Variants in TMEM108 observed in about 807,000 individuals in gnomAD.
TMEM108 encodes the protein cancer/testis antigen 124.
TMEM108 carries 12 observed loss-of-function variants against 35.1 expected under a neutral mutation model. The observed-to-expected ratio is 0.34, with a 90% confidence interval of 0.22 to 0.55. The LOEUF is 0.55. Among genes scored for constraint, TMEM108 ranks in the 20% least tolerant of loss-of-function variants. The pLI is 0.89. For missense variants in TMEM108, 680 were observed against 753.3 expected (o/e 0.90, Z 1.14); for synonymous variants, 287 against 308.6 (o/e 0.93, Z 0.73).
Position 133,397,363 on chromosome 3 carries a change from T to C in TMEM108, c.*1377T>C, listed in dbSNP as rs1208510664. On this transcript the variant is annotated 3_prime_UTR_variant, in exon 6 of 6. Transcript: ENST00000321871. The stretch of plus-strand genomic sequence containing the variant: ...TTTGTGTTGTTGCTGTAGTCTATCA[T>C]GACTTTTTTCTTTCTGCATTTTCCT... The C allele has an allele frequency of 1.3e-5, 2 of 151,436 alleles. No homozygotes were observed. The highest frequency in any genetic ancestry group is 3.9e-4 in the East Asian group (2 of 5,176). 9.4% of individuals were successfully genotyped at this position (151,436 alleles called of 1,614,324 possible). A position where few individuals can be genotyped will look rare whatever the true frequency, so the allele number is the denominator to read the frequency against.
intron 2 of TMEM108, among the ~76,000 whole-genome samples, chr3:133,193,842 A>C (rs1336126834): frequency 6.6e-6 from 1 of 152,256 alleles, no homozygotes; most frequent in East Asian, 1.9e-4. Context: ...AAACTGATTA[A>C]ATATAAACAT....
At chr3:133,098,955 T>C (rs1248299836) in intron 2 of TMEM108, among the ~76,000 whole-genome samples, 2 of 152,142 alleles carry the variant, frequency 1.3e-5, no homozygotes, top group Admixed American at 6.5e-5. Context: ...GGCCCTCTTC[T>C]CACAGCTCCA....
At chr3:133,371,515 A>G (rs77354736) in intron 3 of TMEM108, among the ~76,000 whole-genome samples, 3,867 of 151,148 alleles carry the variant, frequency 0.026, 144 homozygotes, top group African/African-American at 0.089. Context: ...CTGGCTCCCA[A>G]GAGTAAGCAC....
At chr3:133,121,366 C>G (rs1385562117) in intron 2 of TMEM108, among the ~76,000 whole-genome samples, 1 of 152,070 alleles carries the variant, frequency 6.6e-6, no homozygotes, top group African/African-American at 2.4e-5. Flanking sequence ...GTTTTTTGCT[C>G]CTGTGTTGAA....
chr3:133,274,730 C>G (rs979271850), intron 3 of TMEM108, among the ~76,000 whole-genome samples: 15 of 152,170 alleles, frequency 9.9e-5, no homozygotes, highest in African/African-American at 3.4e-4. Flanking sequence ...AACCATTTCC[C>G]TGGGTGACAA....
chr3:133,060,726 A>T (rs1207502892), intron 2 of TMEM108, among the ~76,000 whole-genome samples: 1 of 152,220 alleles, frequency 6.6e-6, no homozygotes, highest in African/African-American at 2.4e-5. Flanking sequence ...GGCAAGATAC[A>T]TAAAAGTGTA....
rs573725810 is a variant in TMEM108, at chr3:133,203,889, C to A, written c.-46-25377C>A. On this transcript the variant is annotated intron_variant, in intron 2 of 5. Transcript: ENST00000321871. ...GGAATGGAAGCAGCTTTTCTTTATA[C>A]CTCTGGTAAAATTCAGCTGTGACTC... is the stretch of plus-strand genomic sequence containing the variant. Among the ~76,000 whole-genome samples, 35 of 152,226 alleles carry A rather than the reference C, an allele frequency of 2.3e-4. No homozygotes were observed. In the East Asian group the frequency reaches 6.6e-3, roughly 29 times the overall value.
chr3:133,128,623 C>T (rs565210404), intron 2 of TMEM108, among the ~76,000 whole-genome samples: 13 of 152,260 alleles, frequency 8.5e-5, no homozygotes, highest in African/African-American at 3.1e-4. Flanking sequence ...TGTTCTTGGC[C>T]TCACTTCTCA....
At chr3:133,039,132 T>C (rs1943242763) in intron 1 of TMEM108, among the ~76,000 whole-genome samples, 1 of 151,924 alleles carries the variant, frequency 6.6e-6, no homozygotes, top group African/African-American at 2.4e-5. Context: ...GTGGAGCCGG[T>C]CTAAATGAAA....
At chr3:133,339,326 A>G (rs2071593408) in intron 3 of TMEM108, among the ~76,000 whole-genome samples, 1 of 152,012 alleles carries the variant, frequency 6.6e-6, no homozygotes. Flanking sequence ...TATACAAAAT[A>G]GATTTCAAGA....
intron 3 of TMEM108, among the ~76,000 whole-genome samples, chr3:133,347,315 CAG>C (rs1392988079): frequency 6.6e-6 from 1 of 152,026 alleles, no homozygotes; most frequent in Admixed American, 6.6e-5. Flanking sequence ...TTTCTTTCAT[CAG>C]AGTTTTGCCA....
chr3:133,270,972 GC>G (rs1293659545), intron 3 of TMEM108, among the ~76,000 whole-genome samples: 1 of 152,080 alleles, frequency 6.6e-6, no homozygotes, highest in South Asian at 2.1e-4. Flanking sequence ...AAGTTCCAAA[GC>G]CCCCAAGCCA....
intron 3 of TMEM108, among the ~76,000 whole-genome samples, chr3:133,263,458 T>A (rs1312359592): frequency 6.6e-6 from 1 of 152,202 alleles, no homozygotes; most frequent in Non-Finnish European, 1.5e-5. Context: ...CCCATAAATA[T>A]AACAATGAAA....
intron 3 of TMEM108, among the ~76,000 whole-genome samples, chr3:133,267,276 T>G (rs1946712859): frequency 6.6e-6 from 1 of 152,140 alleles, no homozygotes; most frequent in Non-Finnish European, 1.5e-5. Flanking sequence ...CTAGTAGGAC[T>G]GTCAGACATA....
At chr3:133,068,515 GTCAGGGTA>G (rs1291806059) in intron 2 of TMEM108, among the ~76,000 whole-genome samples, 8 of 152,236 alleles carry the variant, frequency 5.3e-5, no homozygotes, top group South Asian at 2.1e-4. Context: ...CCACCTCCTA[GTCAGGGTA>G]AGGAGTATAG....
chr3:133,189,505 G>C (rs1945469053), intron 2 of TMEM108, among the ~76,000 whole-genome samples: 1 of 152,196 alleles, frequency 6.6e-6, no homozygotes, highest in Non-Finnish European at 1.5e-5. Context: ...TCTTTCCTCT[G>C]TGTGGTAGAA....
At chr3:133,354,883 TA>T (rs3055470) in intron 3 of TMEM108, among the ~76,000 whole-genome samples, 69,038 of 149,694 alleles carry the variant, frequency 0.46, 16,439 homozygotes, top group East Asian at 0.54. Flanking sequence ...AGCACATGTT[TA>T]AAAAAAAAAA....
In TMEM108 at chr3:133,325,071, C is replaced by G. The variant is rs186386549; in HGVS notation, c.41-54681C>G. Among the ~76,000 whole-genome samples the G allele has an allele frequency of 1.7e-3, 263 of 152,106 alleles. 5 individuals carry two copies. The highest frequency in any genetic ancestry group is 4.1e-4 in the Non-Finnish European group (28 of 67,978). ...AATTCACAATTGCAAAGGTATGGAA[C>G]CAGCGTAAATGCCCATCAACCAACA... On this transcript the variant is annotated intron_variant, in intron 3 of 5. Coordinates refer to ENST00000321871, the MANE Select transcript of TMEM108 (RefSeq NM_023943.4).
intron 2 of TMEM108, among the ~76,000 whole-genome samples, chr3:133,076,897 C>G (rs541800524): frequency 1.3e-5 from 2 of 152,144 alleles, no homozygotes; most frequent in African/African-American, 4.8e-5. Flanking sequence ...GATAAGCCAA[C>G]GAAAGGAAGA....
Sources: allele counts gnomAD v4.1 joint callset (sites outside exome capture counted in the v4.1 genomes callset), GRCh38; gene constraint gnomAD v4.1.1; transcripts MANE v1.5; gene names NCBI Gene and HGNC (gene_info 2026-07-23, HGNC 2026-07-21).